TNRC6A: variants seen among roughly 807,000 people sequenced by gnomAD.
TNRC6A encodes the protein trinucleotide repeat containing adaptor 6A.
Under a neutral mutation model 221.2 loss-of-function variants are expected in TNRC6A, and 44 were observed. The ratio of observed to expected loss-of-function variants is 0.20; its 90% CI spans 0.16 to 0.26. TNRC6A has a LOEUF of 0.26. Ranked by LOEUF, TNRC6A falls within the 10% of genes least tolerant of loss-of-function variation. TNRC6A has a pLI of 1.00. For missense variants in TNRC6A, 2,199 were observed against 2,404.4 expected, an observed-to-expected ratio of 0.91 and a Z score of 1.79; for synonymous variants, 847 against 838.5, an observed-to-expected ratio of 1.01 and a Z score of -0.18.
At chr16:24,772,004 G>A (rs1052662977) in intron 4 of TNRC6A, among the ~76,000 whole-genome samples, 2 of 152,226 alleles carry the variant, frequency 1.3e-5, no homozygotes, top group Non-Finnish European at 1.5e-5. Flanking sequence ...CACTGGCAGA[G>A]TTGAGTAGTT....
chr16:24,711,793 T>C (rs1052024293), intron 2 of TNRC6A, among the ~76,000 whole-genome samples: 1 of 152,110 alleles, frequency 6.6e-6, no homozygotes, highest in African/African-American at 2.4e-5. Flanking sequence ...TGTTTTCCTT[T>C]TTTTGTTTTT....
chr16:24,820,824 C>T (rs993320415), intron 22 of TNRC6A, among the ~76,000 whole-genome samples: 7 of 152,210 alleles, frequency 4.6e-5, no homozygotes, highest in Admixed American at 1.3e-4. Context: ...GGTTCCTCTG[C>T]CTTTCCTCAT....
chr16:24,628,313 G>T (rs1596555580), intron 1 of TNRC6A, among the ~76,000 whole-genome samples: 1 of 151,988 alleles, frequency 6.6e-6, no homozygotes, highest in South Asian at 2.1e-4. Context: ...CCAGCTACTT[G>T]GGGGACTGAG....
At chr16:24,708,841 G>A (rs1019806868) in intron 2 of TNRC6A, among the ~76,000 whole-genome samples, 5 of 152,078 alleles carry the variant, frequency 3.3e-5, no homozygotes, top group Middle Eastern at 3.2e-3. Context: ...GTTTCTCTTC[G>A]TGGCTCAGTA....
chr16:24,794,840 T>A (rs545574416), intron 8 of TNRC6A, 121 bp downstream of exon 8: 1 of 850,302 alleles, frequency 1.2e-6, no homozygotes, highest in African/African-American at 1.7e-5. Flanking sequence ...GCCCCCACCT[T>A]AGGTATAGCC....
intron 8 of TNRC6A, 114 bp downstream of exon 8, chr16:24,794,833 C>A: frequency 2.0e-6 from 2 of 988,402 alleles, no homozygotes; most frequent in South Asian, 2.2e-5. Flanking sequence ...CCAGGCAGCC[C>A]CCACCTTAGG....
At chr16:24,670,932 G>T in intron 2 of TNRC6A, 1 of 361,996 alleles carries the variant, frequency 2.8e-6, no homozygotes, top group Non-Finnish European at 5.8e-6. Flanking sequence ...CTTACATGAT[G>T]CTGACAGGGG....
intron 2 of TNRC6A, among the ~76,000 whole-genome samples, chr16:24,694,566 A>G (rs372680882): frequency 2.8e-5 from 4 of 144,094 alleles, no homozygotes; most frequent in Non-Finnish European, 4.6e-5. Flanking sequence ...GAGGCAGGAG[A>G]ATCGCTTGAA....
chr16:24,628,102 G>A (rs895126660), intron 1 of TNRC6A, among the ~76,000 whole-genome samples: 1 of 151,644 alleles, frequency 6.6e-6, no homozygotes, highest in South Asian at 2.1e-4. Flanking sequence ...GAACTGCACA[G>A]TTTACTTATA....
At position 24,709,449 on chromosome 16, in the gene TNRC6A, G is replaced by A. The variant is rs561228099; in HGVS notation, n.403-41277G>A. 2.6e-5 allele frequency among the ~76,000 whole-genome samples: 4 copies of A among 152,248 alleles called. No homozygotes were observed. In the South Asian group the frequency reaches 8.3e-4, roughly 32 times the overall value. On this transcript the variant is annotated intron_variant and non_coding_transcript_variant, in intron 2 of 2. Coordinates refer to the TNRC6A transcript ENST00000566108. ...CCACCAGCAGTGACGCACTCTCCTT[G>A]AAAGGCAAATTAACATTTTTGATCA...
intron 4 of TNRC6A, among the ~76,000 whole-genome samples, chr16:24,774,850 A>G (rs2057686518): frequency 6.6e-6 from 1 of 152,242 alleles, no homozygotes; most frequent in African/African-American, 2.4e-5. Context: ...GTATTTGCAT[A>G]TAACCTAGAC....
upstream of TNRC6A, among the ~76,000 whole-genome samples, chr16:24,726,321 C>T (rs1458452632): frequency 7.5e-6 from 1 of 133,132 alleles, no homozygotes; most frequent in Non-Finnish European, 1.6e-5. Flanking sequence ...AGATCTCCAA[C>T]ATTTATTTGA....
chr16:24,675,167 A>G lies in TNRC6A; in HGVS notation n.402+34158A>G, dbSNP rs1003597916. On this transcript the variant is annotated intron_variant and non_coding_transcript_variant, in intron 2 of 2. Transcript: ENST00000566108. ...TTCAAAAAACCAAAAACATTCTCCA[A>G]CCAACACCAATTTTATGTAATTTTA... is the stretch of plus-strand genomic sequence containing the variant. Among the ~76,000 whole-genome samples, 4 of 152,032 alleles carry G rather than the reference A, an allele frequency of 2.6e-5. No individual in the cohort carries two copies. In the East Asian group the frequency reaches 7.7e-4, roughly 29 times the overall value.
At chr16:24,811,270 G>A (rs765817354) in intron 18 of TNRC6A, among the ~76,000 whole-genome samples, 3 of 152,142 alleles carry the variant, frequency 2.0e-5, no homozygotes, top group Non-Finnish European at 2.9e-5. Flanking sequence ...GGGGAGTGGA[G>A]GCAAGGACAT....
rs1363447769 is a variant in TNRC6A at position 24,730,150 on chromosome 16, C to A, written c.6-103C>A. 3 of 1,202,316 alleles carry A rather than the reference C, an allele frequency of 2.5e-6. No homozygotes were observed. In the South Asian group the frequency reaches 4.6e-5, roughly 18 times the overall value. The allele number at this position is 1,202,316 out of a possible 1,614,324, so 74.5% of individuals were successfully genotyped here. A position where few individuals can be genotyped will look rare whatever the true frequency, so the allele number is the denominator to read the frequency against. On this transcript the variant is annotated intron_variant, in intron 1 of 24. Coordinates refer to ENST00000395799, the MANE Select transcript of TNRC6A (RefSeq NM_014494.4). ...CCCCCGTCCTCTCCCCTCCCCCATC[C>A]GGCCCCGGCGCGAGCCTCTGCCGCA...
At chr16:24,780,167 A>G (rs796294569) in intron 5 of TNRC6A, among the ~76,000 whole-genome samples, 2 of 152,208 alleles carry the variant, frequency 1.3e-5, no homozygotes, top group Non-Finnish European at 2.9e-5. Flanking sequence ...TGATCCATAC[A>G]GAAAAATTAA....
At chr16:24,776,408 C>A (rs2057718711) in intron 4 of TNRC6A, 2 of 985,318 alleles carry the variant, frequency 2.0e-6, no homozygotes, top group Non-Finnish European at 2.4e-6. Context: ...CAAATACAGA[C>A]ATTGTTAACT....
rs1008494198 is a variant in TNRC6A at position 24,761,761 on chromosome 16, A to T, written c.163+3401A>T. Among the ~76,000 whole-genome samples, 12 of 151,692 alleles carry T rather than the reference A, an allele frequency of 7.9e-5. 1 individual carries two copies. The highest frequency in any genetic ancestry group is 1.8e-4 in the Non-Finnish European group (12 of 67,926). On this transcript the variant is annotated intron_variant, in intron 4 of 24. Coordinates refer to ENST00000395799, the MANE Select transcript of TNRC6A (RefSeq NM_014494.4). ...ACCCAGGCTGGTCTCAAACTCCTAG[A>T]CTCACACGATCTTCCTGCCTCAGGC...
upstream of TNRC6A, among the ~76,000 whole-genome samples, chr16:24,729,465 C>A (rs975535216): frequency 3.3e-5 from 5 of 151,536 alleles, no homozygotes; most frequent in African/African-American, 7.3e-5. Flanking sequence ...ACTCCGCAGG[C>A]CCCCCCAGCC....
Sources: gnomAD v4.1 joint callset for allele counts (sites outside exome capture counted in the v4.1 genomes callset) on GRCh38, gnomAD v4.1.1 for gene constraint, MANE v1.5 for transcripts, NCBI Gene and HGNC (gene_info 2026-07-23, HGNC 2026-07-21) for gene names.